The following MID1 variants were observed in gnomAD, a reference collection of about 807,000 sequenced individuals.
MID1 encodes the protein midline 1, also known as E3 ubiquitin-protein ligase Midline-1.
MID1 carries 7 observed loss-of-function variants against 40.4 expected under a neutral mutation model. The observed-to-expected ratio is 0.17, with a 90% CI of 0.10 to 0.33. The LOEUF (loss-of-function observed/expected upper bound fraction) is 0.33, where lower values mean the gene tolerates loss of function less well. Ranked by LOEUF, MID1 falls within the 10% of genes least tolerant of loss-of-function variation. The pLI, the probability that MID1 is intolerant of heterozygous loss-of-function variation, is 1.00. For missense variants in MID1, 367 were observed against 558.5 expected (o/e 0.66, Z 3.46); for synonymous variants, 229 against 221.2 (o/e 1.04, Z -0.31).
chrX:10,458,855 G>A (rs1435227725), intron 8 of MID1, among the ~76,000 whole-genome samples: 1 of 111,511 alleles, frequency 9.0e-6, no homozygotes, highest in Non-Finnish European at 1.9e-5. Context: ...TCACAACATG[G>A]CGCCATACCG....
At chrX:10,784,273 A>G (rs1280848480) in intron 1 of MID1, among the ~76,000 whole-genome samples, 1 of 110,899 alleles carries the variant, frequency 9.0e-6, no homozygotes, top group Non-Finnish European at 1.9e-5. Flanking sequence ...ATGCCTTCAC[A>G]CAAAAGTGAA....
intron 1 of MID1, among the ~76,000 whole-genome samples, chrX:10,667,853 A>G (rs1221858052): frequency 8.9e-6 from 1 of 112,273 alleles, no homozygotes; most frequent in Non-Finnish European, 1.9e-5. Context: ...ACTCCATAGC[A>G]TGCATTCAAA....
intron 3 of MID1, among the ~76,000 whole-genome samples, chrX:10,501,839 T>C (rs1254621992): frequency 8.9e-6 from 1 of 112,029 alleles, no homozygotes; most frequent in Non-Finnish European, 1.9e-5. Flanking sequence ...GGCACTTGGT[T>C]AGCAACGCCC....
At chrX:10,482,065 A>G (rs1048314495) in intron 5 of MID1, among the ~76,000 whole-genome samples, 4 of 112,131 alleles carry the variant, frequency 3.6e-5, no homozygotes, top group African/African-American at 1.3e-4. Context: ...GATTTTAAAA[A>G]AAAATAGATG....
chrX:10,465,965 T>C (rs1360550770), intron 7 of MID1, among the ~76,000 whole-genome samples: 2 of 112,187 alleles, frequency 1.8e-5, no homozygotes, highest in African/African-American at 6.5e-5. Context: ...CAGACGAAAA[T>C]GATTTGAGAG....
At chrX:10,615,584 C>T (rs1935825730) in intron 1 of MID1, among the ~76,000 whole-genome samples, 1 of 111,511 alleles carries the variant, frequency 9.0e-6, no homozygotes. Flanking sequence ...TCAGGAAAGT[C>T]CCCTCTTGGC....
intron 7 of MID1, chrX:10,469,454 G>C (rs1929571344): frequency 9.1e-7 from 1 of 1,095,135 alleles, no homozygotes; most frequent in Non-Finnish European, 1.2e-6. Context: ...ATTTGTTTCT[G>C]GCTTCTTTCC....
intron 1 of MID1, among the ~76,000 whole-genome samples, chrX:10,698,388 T>C (rs1020502128): frequency 1.2e-4 from 13 of 112,590 alleles, no homozygotes; most frequent in Non-Finnish European, 2.4e-4. Context: ...TTATGTCTTA[T>C]ATACATAGTT....
chrX:10,482,729 T>C, intron 4 of MID1, 101 bp from the exon 5 acceptor site: 1 of 920,486 alleles, frequency 1.1e-6, no homozygotes, highest in Non-Finnish European at 1.6e-6. Flanking sequence ...TATCCTTCCA[T>C]AAAAGTTCAA....
intron 1 of MID1, among the ~76,000 whole-genome samples, chrX:10,777,548 CT>C (rs1181365739): frequency 5.0e-4 from 49 of 98,383 alleles, no homozygotes; most frequent in Middle Eastern, 5.6e-3. Flanking sequence ...CTTTTCTTTT[CT>C]TTTTTTTTTT....
chrX:10,624,729 G>A (rs1245619471), upstream of MID1, among the ~76,000 whole-genome samples: 1 of 111,800 alleles, frequency 8.9e-6, no homozygotes, highest in Non-Finnish European at 1.9e-5. Context: ...TCCCACCTCA[G>A]CCTCCTGAGT....
intron 1 of MID1, among the ~76,000 whole-genome samples, chrX:10,699,104 A>T (rs2043179043): frequency 9.0e-6 from 1 of 111,350 alleles, no homozygotes; most frequent in South Asian, 3.8e-4. Flanking sequence ...TTTCTGTGAG[A>T]TCCCCAATGC....
intron 1 of MID1, among the ~76,000 whole-genome samples, chrX:10,739,687 G>T (rs1468788521): frequency 8.9e-6 from 1 of 112,031 alleles, no homozygotes; most frequent in Non-Finnish European, 1.9e-5. Context: ...ATAAAATTAT[G>T]GAAATGTATC....
intron 1 of MID1, among the ~76,000 whole-genome samples, chrX:10,685,235 C>T (rs1010578940): frequency 9.0e-6 from 1 of 111,597 alleles, no homozygotes; most frequent in Non-Finnish European, 1.9e-5. Flanking sequence ...TGTGTATTTA[C>T]TATTGTTGGG....
intron 1 of MID1, among the ~76,000 whole-genome samples, chrX:10,795,851 A>G (rs1038457776): frequency 2.7e-5 from 3 of 112,314 alleles, no homozygotes; most frequent in Non-Finnish European, 5.6e-5. Flanking sequence ...CTATAAAGAC[A>G]ACCTAAAAAA....
intron 2 of MID1, among the ~76,000 whole-genome samples, chrX:10,550,313 T>C (rs1470428310): frequency 8.9e-6 from 1 of 112,251 alleles, no homozygotes; most frequent in Non-Finnish European, 1.9e-5. Flanking sequence ...ATCTAGGGGA[T>C]AGCAGATAAT....
chrX:10,512,197 A>G (rs1005930243), intron 3 of MID1, among the ~76,000 whole-genome samples: 6 of 112,552 alleles, frequency 5.3e-5, no homozygotes, highest in African/African-American at 1.6e-4. Context: ...GAACGTTCAT[A>G]AGAACTGAAG....
intron 3 of MID1, among the ~76,000 whole-genome samples, chrX:10,506,939 A>G (rs1484021855): frequency 1.8e-5 from 2 of 111,975 alleles, no homozygotes; most frequent in African/African-American, 6.5e-5. Context: ...AGTTCCCTGA[A>G]AAAGAAAACA....
At chrX:10,473,011 G>A (rs1362994794) in intron 6 of MID1, among the ~76,000 whole-genome samples, 1 of 112,564 alleles carries the variant, frequency 8.9e-6, no homozygotes, top group Non-Finnish European at 1.9e-5. Flanking sequence ...TTAACAGGAT[G>A]CCACTGTGAA....
Sources: gnomAD v4.1 joint callset for allele counts (sites outside exome capture counted in the v4.1 genomes callset) on GRCh38, gnomAD v4.1.1 for gene constraint, MANE v1.5 for transcripts, NCBI Gene and HGNC (gene_info 2026-07-23, HGNC 2026-07-21) for gene names.